ZNF503: variants seen among roughly 807,000 people sequenced by gnomAD.
The protein encoded by ZNF503 is zinc finger protein 503, also known as NocA-like zinc finger 2.
In ZNF503, 15 loss-of-function variants were observed where a neutral mutation model predicts 34.4. The ratio of observed to expected loss-of-function variants is 0.44; its 90% confidence interval spans 0.29 to 0.67. The LOEUF (loss-of-function observed/expected upper bound fraction) is 0.67, where lower values mean the gene tolerates loss of function less well. ZNF503 is among the 30% of genes least tolerant of loss of function. The probability of loss-of-function intolerance (pLI) is 0.13; values close to 1 mark genes in which losing one functional copy is unlikely to be tolerated. For synonymous variants in ZNF503, 580 were observed against 456.8 expected (o/e 1.27, Z -3.44); for missense variants, 1,007 against 926.8 (o/e 1.09, Z -1.12).
chr10:75,319,737 AC>A, the ZNF503 span, among the ~76,000 whole-genome samples: 1 of 152,224 alleles, frequency 6.6e-6, no homozygotes, highest in East Asian at 1.9e-4. Flanking sequence ...TGTGCTGTAT[AC>A]AAAAACTCCT....
chr10:75,288,928 G>A, the ZNF503 span, among the ~76,000 whole-genome samples: 3 of 152,196 alleles, frequency 2.0e-5, no homozygotes, highest in Admixed American at 1.3e-4. Flanking sequence ...GCTTGGTTGA[G>A]GGGGGCTGAT....
the ZNF503 span, among the ~76,000 whole-genome samples, chr10:75,329,612 T>G: frequency 6.6e-5 from 10 of 151,964 alleles, no homozygotes; most frequent in Non-Finnish European, 1.5e-4. Context: ...ACTACAGGCA[T>G]GCACTACCAC....
At chr10:75,383,613 A>T in the ZNF503 span, among the ~76,000 whole-genome samples, 1 of 152,182 alleles carries the variant, frequency 6.6e-6, no homozygotes, top group South Asian at 2.1e-4. Context: ...CTGGTCACTT[A>T]GTCACTCAAT....
At chr10:75,329,834 T>C in the ZNF503 span, among the ~76,000 whole-genome samples, 2 of 152,156 alleles carry the variant, frequency 1.3e-5, no homozygotes. Context: ...CTTTCTCCAT[T>C]CCAATTTGGA....
At chr10:75,379,952 A>C in the ZNF503 span, among the ~76,000 whole-genome samples, 79 of 152,312 alleles carry the variant, frequency 5.2e-4, no homozygotes, top group South Asian at 0.013. Flanking sequence ...GGTGCACGCC[A>C]CACACCCACA....
At chr10:75,379,004 C>G in the ZNF503 span, among the ~76,000 whole-genome samples, 1 of 152,118 alleles carries the variant, frequency 6.6e-6, no homozygotes, top group South Asian at 2.1e-4. Context: ...AAACCCCAGT[C>G]CCGATCTTAA....
At chr10:75,397,560 G>A (rs574493512), downstream of ZNF503, among the ~76,000 whole-genome samples, 10 of 152,280 alleles carry the variant, frequency 6.6e-5, no homozygotes, top group East Asian at 1.9e-3. Flanking sequence ...TAACAAGCCA[G>A]CTGCCAAGAG....
the ZNF503 span, among the ~76,000 whole-genome samples, chr10:75,329,446 T>C: frequency 4.4e-3 from 593 of 134,824 alleles, 8 homozygotes; most frequent in African/African-American, 0.017. Flanking sequence ...TTTCTTTCTT[T>C]CTTTCTTTCT....
the ZNF503 span, among the ~76,000 whole-genome samples, chr10:75,389,362 C>T: frequency 1.3e-5 from 2 of 152,186 alleles, no homozygotes; most frequent in Non-Finnish European, 2.9e-5. Flanking sequence ...CCCTCTCCTC[C>T]CAGTGCCCTC....
chr10:75,399,089 T>G lies in ZNF503; in HGVS notation c.1601A>C (p.Glu534Ala), dbSNP rs1466951332. The G allele has an allele frequency of 1.9e-6, 3 of 1,613,692 alleles. No individual in the cohort carries two copies. Among genetic ancestry groups the G allele is most frequent in the Non-Finnish European group, 2.5e-6 (3 of 1,179,846 alleles). Residue 534 changes from glutamate (E) to alanine (A), a missense_variant, in exon 2 of 2, where the codon GAG becomes GCG. By Grantham distance (107) the Glu-to-Ala change is moderately radical. Transcript: ENST00000372524. Reference protein sequence around the residue: ...PCDKRFATSEELLSHLRTHTA... With the variant: ...PCDKRFATSEALLSHLRTHTA... ...ATGGGTCCGCAAGTGGCTCAGCAGCTCTTCGGACGTGGCGAAGCGCTTGTC... is the reference window on the plus strand; with the variant it reads ...ATGGGTCCGCAAGTGGCTCAGCAGCGCTTCGGACGTGGCGAAGCGCTTGTC...
In ZNF503 at chr10:75,397,839, A is replaced by T. The variant is rs1026024337; in HGVS notation, c.*910T>A. On this transcript the variant is annotated 3_prime_UTR_variant, in exon 2 of 2. Transcript: ENST00000372524. ...TAAAAAAGATAAGAAGAAGAAGTAAAACCCTTTAATACATCAAATATACGG... is the reference window on the plus strand; with the variant it reads ...TAAAAAAGATAAGAAGAAGAAGTAATACCCTTTAATACATCAAATATACGG... The T allele has an allele frequency of 1.3e-5, 2 of 152,642 alleles. No individual in the cohort carries two copies. The highest frequency in any genetic ancestry group is 4.8e-5 in the African/African-American group (2 of 41,458). The allele number at this position is 152,642 out of a possible 1,614,324, so 9.5% of individuals were successfully genotyped here. A position where few individuals can be genotyped will look rare whatever the true frequency, so the allele number is the denominator to read the frequency against.
In ZNF503 at chr10:75,398,025, T is replaced by A. The variant is rs1445561464; in HGVS notation, c.*724A>T. The A allele has an allele frequency of 1.3e-5, 2 of 149,394 alleles. No homozygotes were observed. Among genetic ancestry groups the A allele is most frequent in the East Asian group, 3.9e-4 (2 of 5,186 alleles). The allele number at this position is 149,394 out of a possible 1,614,324, so 9.3% of individuals were successfully genotyped here. A position where few individuals can be genotyped will look rare whatever the true frequency, so the allele number is the denominator to read the frequency against. On this transcript the variant is annotated 3_prime_UTR_variant, in exon 2 of 2. Coordinates refer to ENST00000372524, the MANE Select transcript of ZNF503 (RefSeq NM_032772.6). Reference sequence around the variant, plus strand: ...GTTTTGGAATAGAATTTTTTCTTTTTCTTTTTTTTTTTGTTGTTTTCTTCC... The same window carrying A: ...GTTTTGGAATAGAATTTTTTCTTTTACTTTTTTTTTTTGTTGTTTTCTTCC...
At chr10:75,383,816 A>G in the ZNF503 span, among the ~76,000 whole-genome samples, 1 of 152,232 alleles carries the variant, frequency 6.6e-6, no homozygotes, top group African/African-American at 2.4e-5. Context: ...GTCCTGAACC[A>G]GGGCAGCTGC....
chr10:75,383,794 G>T, the ZNF503 span, among the ~76,000 whole-genome samples: 10 of 152,348 alleles, frequency 6.6e-5, no homozygotes, highest in South Asian at 2.1e-3. Context: ...ACAGACACCA[G>T]GTACAAACCC....
chr10:75,310,276 G>A, the ZNF503 span, among the ~76,000 whole-genome samples: 1 of 152,188 alleles, frequency 6.6e-6, no homozygotes, highest in Non-Finnish European at 1.5e-5. Context: ...GGACTCAAGG[G>A]ACGTTTGGGA....
chr10:75,381,439 C>T, the ZNF503 span, among the ~76,000 whole-genome samples: 1 of 152,144 alleles, frequency 6.6e-6, no homozygotes, highest in Non-Finnish European at 1.5e-5. Context: ...GTTGCCCAGG[C>T]TGGTGTCAAG....
the ZNF503 span, among the ~76,000 whole-genome samples, chr10:75,342,222 T>C: frequency 6.6e-6 from 1 of 152,080 alleles, no homozygotes. Context: ...ATCAGAGGCA[T>C]TGTTATGCAG....
the ZNF503 span, among the ~76,000 whole-genome samples, chr10:75,371,702 G>A: frequency 6.6e-6 from 1 of 152,182 alleles, no homozygotes; most frequent in Non-Finnish European, 1.5e-5. Context: ...GAAGTCCATT[G>A]TATTAAGTCC....
chr10:75,382,600 T>C, the ZNF503 span: 1 of 423,188 alleles, frequency 2.4e-6, no homozygotes. Context: ...TAGGATCACA[T>C]TTCTCAGGTG....
Sources: allele counts gnomAD v4.1 joint callset (sites outside exome capture counted in the v4.1 genomes callset), GRCh38; gene constraint gnomAD v4.1.1; transcripts MANE v1.5; gene names NCBI Gene and HGNC (gene_info 2026-07-23, HGNC 2026-07-21).